MAGI1: variants seen among roughly 807,000 people sequenced by gnomAD.
MAGI1 encodes membrane-associated guanylate kinase, WW and PDZ domain-containing protein 1.
Under a neutral mutation model 139.9 loss-of-function variants are expected in MAGI1, and 58 were observed. The observed-to-expected ratio is 0.41, with a 90% CI of 0.34 to 0.52. The LOEUF (loss-of-function observed/expected upper bound fraction) is 0.52. Among genes scored for constraint, MAGI1 ranks in the 20% least tolerant of loss-of-function variants. The pLI, the probability that MAGI1 is intolerant of heterozygous loss-of-function variation, is 0.12. For synonymous variants in MAGI1, 812 were observed against 737.9 expected (o/e 1.10, Z -1.63); for missense variants, 1,874 against 1,901.6 (o/e 0.99, Z 0.27).
chr3:65,465,919 C>G (rs1286978811), intron 5 of MAGI1, among the ~76,000 whole-genome samples: 8 of 152,044 alleles, frequency 5.3e-5, no homozygotes, highest in Non-Finnish European at 1.2e-4. Context: ...GGTTGGTTTT[C>G]TTCCCCCAGT....
At chr3:65,988,992 A>C (rs2107341636) in intron 1 of MAGI1, among the ~76,000 whole-genome samples, 1 of 152,350 alleles carries the variant, frequency 6.6e-6, no homozygotes, top group Non-Finnish European at 1.5e-5. Context: ...CAGCTGACTT[A>C]ACTAAGGCTC....
At chr3:65,676,469 C>T (rs2087197863) in intron 1 of MAGI1, among the ~76,000 whole-genome samples, 1 of 151,924 alleles carries the variant, frequency 6.6e-6, no homozygotes, top group Non-Finnish European at 1.5e-5. Flanking sequence ...TTTTAAAAAA[C>T]GTACTTCTTT....
At chr3:65,570,088 TA>T in intron 2 of MAGI1, among the ~76,000 whole-genome samples, 1 of 145,558 alleles carries the variant, frequency 6.9e-6, no homozygotes. Flanking sequence ...TTATTATTAT[TA>T]TTATTATTAT....
chr3:65,983,288 G>A (rs1449777903), intron 1 of MAGI1, among the ~76,000 whole-genome samples: 1 of 152,204 alleles, frequency 6.6e-6, no homozygotes, highest in Non-Finnish European at 1.5e-5. Context: ...TGCTTCAGTA[G>A]TTACTGATTT....
At position 65,478,724 on chromosome 3, in the gene MAGI1, T is replaced by C. The variant is rs1388629205; in HGVS notation, c.625A>G (p.Ser209Gly). 3.1e-6 allele frequency: 5 copies of C among 1,614,016 alleles called. No homozygotes were observed. Among genetic ancestry groups the C allele is most frequent in the Non-Finnish European group, 4.2e-6 (5 of 1,180,008 alleles). ...GKVITTDALH[S>G]LQSGSKQSTP... The stretch of plus-strand genomic sequence containing the variant: ...GACTGCTTAGAGCCAGACTGAAGGC[T>C]GTGCAAGGCATCCGTCGTGATCACT... Residue 209 changes from serine to glycine, a missense_variant, in exon 4 of 23, where the codon AGC (serine) becomes GGC (glycine). By Grantham distance (56) the Ser-to-Gly change is moderately conservative (BLOSUM62 0). Around this residue, in one of 5 missense-constraint regions of MAGI1, gnomAD observed 648 missense variants for 598.1 expected, o/e 1.08. Transcript: ENST00000402939.
At chr3:65,446,206 T>C (rs1948663231) in intron 7 of MAGI1, among the ~76,000 whole-genome samples, 1 of 152,122 alleles carries the variant, frequency 6.6e-6, no homozygotes, top group Admixed American at 6.5e-5. Context: ...ACACTGCAAA[T>C]AGCTAATAGA....
chr3:65,783,601 C>T (rs917481913), intron 1 of MAGI1, among the ~76,000 whole-genome samples: 5 of 152,042 alleles, frequency 3.3e-5, no homozygotes, highest in African/African-American at 1.2e-4. Context: ...TCAAGCAATC[C>T]TCCCACCTCA....
At chr3:65,529,366 C>T (rs904934819) in intron 2 of MAGI1, among the ~76,000 whole-genome samples, 1 of 152,114 alleles carries the variant, frequency 6.6e-6, no homozygotes, top group African/African-American at 2.4e-5. Context: ...CATTAATTCC[C>T]TGTTCTCCTC....
intron 1 of MAGI1, among the ~76,000 whole-genome samples, chr3:65,711,382 T>A (rs1476087139): frequency 6.6e-6 from 1 of 152,166 alleles, no homozygotes; most frequent in African/African-American, 2.4e-5. Flanking sequence ...TTTATTCAAA[T>A]GTAAAAAGGT....
intron 2 of MAGI1, among the ~76,000 whole-genome samples, chr3:65,555,212 C>A (rs953420600): frequency 1.3e-5 from 2 of 152,152 alleles, no homozygotes; most frequent in African/African-American, 4.8e-5. Flanking sequence ...TAAAGGCCCA[C>A]CCATGCTAGG....
At chr3:65,940,542 A>T (rs574004053) in intron 1 of MAGI1, among the ~76,000 whole-genome samples, 1 of 152,264 alleles carries the variant, frequency 6.6e-6, no homozygotes, top group South Asian at 2.1e-4. Flanking sequence ...CACCCCTATG[A>T]TCTAAATACC....
chr3:65,613,211 G>A (rs1450627248), intron 2 of MAGI1, among the ~76,000 whole-genome samples: 2 of 152,074 alleles, frequency 1.3e-5, no homozygotes, highest in Non-Finnish European at 2.9e-5. Flanking sequence ...CTCAAATGCT[G>A]CACTCATACT....
At chr3:65,602,954 C>G (rs1313873095) in intron 2 of MAGI1, among the ~76,000 whole-genome samples, 1 of 151,914 alleles carries the variant, frequency 6.6e-6, no homozygotes, top group Non-Finnish European at 1.5e-5. Flanking sequence ...AAGAGAATAC[C>G]ATGTACAACT....
At chr3:65,635,315 G>A (rs558164249) in intron 1 of MAGI1, among the ~76,000 whole-genome samples, 2 of 152,030 alleles carry the variant, frequency 1.3e-5, no homozygotes, top group Admixed American at 6.5e-5. Flanking sequence ...CTCCTGCCTC[G>A]GCCTCCCAAA....
intron 1 of MAGI1, among the ~76,000 whole-genome samples, chr3:65,730,297 A>T (rs1275537638): frequency 1.3e-5 from 2 of 151,418 alleles, no homozygotes; most frequent in African/African-American, 4.9e-5. Flanking sequence ...ACAATGCTAT[A>T]AAAAAAAATG....
chr3:65,949,322 T>G (rs537997859), intron 1 of MAGI1, among the ~76,000 whole-genome samples: 1 of 152,338 alleles, frequency 6.6e-6, no homozygotes, highest in South Asian at 2.1e-4. Flanking sequence ...AAAGGTCAAT[T>G]GCTATTTCTG....
chr3:65,875,964 CAGTA>C (rs770394380), intron 1 of MAGI1, among the ~76,000 whole-genome samples: 33 of 152,132 alleles, frequency 2.2e-4, no homozygotes, highest in South Asian at 8.3e-4. Flanking sequence ...GGACAGAAAA[CAGTA>C]AGAGGGAGGA....
chr3:65,862,854 G>C (rs1206310019), intron 1 of MAGI1, among the ~76,000 whole-genome samples: 1 of 152,226 alleles, frequency 6.6e-6, no homozygotes, highest in Non-Finnish European at 1.5e-5. Flanking sequence ...ATTTCTCACA[G>C]ATTAAGTCAC....
chr3:65,733,216 G>A (rs964671906), intron 1 of MAGI1, among the ~76,000 whole-genome samples: 3 of 151,910 alleles, frequency 2.0e-5, no homozygotes, highest in Admixed American at 2.0e-4. Flanking sequence ...CTGCCACCAC[G>A]CCCCGCTAAT....
Sources: gnomAD v4.1 joint callset for allele counts (sites outside exome capture counted in the v4.1 genomes callset) on GRCh38, gnomAD v4.1.1 for gene constraint, gnomAD v4.1.1 regional missense constraint, MANE v1.5 for transcripts, NCBI Gene and HGNC (gene_info 2026-07-23, HGNC 2026-07-21) for gene names.